The following IGF2BP3 variants were observed in gnomAD, a reference collection of about 807,000 sequenced individuals.
IGF2BP3 encodes the protein insulin-like growth factor 2 mRNA-binding protein 3.
IGF2BP3 carries 9 observed loss-of-function variants against 73.8 expected under a neutral mutation model. That is an observed-to-expected ratio of 0.12 (90% CI 0.07 to 0.21). The LOEUF (loss-of-function observed/expected upper bound fraction) is 0.21. Ranked by LOEUF, IGF2BP3 falls within the 10% of genes least tolerant of loss-of-function variation. IGF2BP3 has a pLI of 1.00. For synonymous variants in IGF2BP3, 258 were observed against 256.7 expected (o/e 1.01, Z -0.05); for missense variants, 542 against 714.0 (o/e 0.76, Z 2.75).
At chr7:23,346,770 T>G (rs1784839018) in intron 7 of IGF2BP3, among the ~76,000 whole-genome samples, 1 of 152,032 alleles carries the variant, frequency 6.6e-6, no homozygotes, top group Non-Finnish European at 1.5e-5. Flanking sequence ...TTCTTGTATT[T>G]TCAGTAGAGA....
chr7:23,334,132 T>C (rs1000819706), intron 10 of IGF2BP3, among the ~76,000 whole-genome samples: 1 of 152,088 alleles, frequency 6.6e-6, no homozygotes, highest in Non-Finnish European at 1.5e-5. Flanking sequence ...GGTCAGGAGT[T>C]CGAGACCAGC....
intron 2 of IGF2BP3, among the ~76,000 whole-genome samples, chr7:23,455,951 C>T (rs1426298142): frequency 6.6e-6 from 1 of 152,156 alleles, no homozygotes; most frequent in Non-Finnish European, 1.5e-5. Context: ...TCCGAAAGTG[C>T]TGGGATTACA....
intron 3 of IGF2BP3, chr7:23,362,557 T>C (rs1379713884): frequency 6.6e-6 from 1 of 152,260 alleles, no homozygotes; most frequent in Non-Finnish European, 1.5e-5. Flanking sequence ...TATTATACTA[T>C]GCATGTTATC....
chr7:23,326,509 C>T (rs945628109), intron 10 of IGF2BP3, among the ~76,000 whole-genome samples: 1 of 151,524 alleles, frequency 6.6e-6, no homozygotes, highest in African/African-American at 2.4e-5. Context: ...GTCAGTGTGG[C>T]AATTCCTCAG....
chr7:23,382,271 T>C (rs1037692284), intron 3 of IGF2BP3, among the ~76,000 whole-genome samples: 4 of 152,090 alleles, frequency 2.6e-5, no homozygotes. Flanking sequence ...AACTTCACTA[T>C]GTAATGGGCA....
chr7:23,415,214 G>C (rs945761617), intron 3 of IGF2BP3: 1 of 218,528 alleles, frequency 4.6e-6, no homozygotes, highest in African/African-American at 2.6e-5. Context: ...GGTCCCGTCC[G>C]TCAGTCGGCA....
In IGF2BP3 at chr7:23,311,111, C is replaced by G. The variant is rs1783815065; in HGVS notation, c.*1251G>C. ...TATACTTTACTACTTAAGGTGGAGTCTAATTTTTTTTTTTTAATTTATCAG... is the reference window on the plus strand; with the variant it reads ...TATACTTTACTACTTAAGGTGGAGTGTAATTTTTTTTTTTTAATTTATCAG... On this transcript the variant is annotated 3_prime_UTR_variant, in exon 15 of 15. Transcript: ENST00000258729. The G allele has an allele frequency of 1.3e-5, 2 of 151,492 alleles. No homozygotes were observed. Among genetic ancestry groups the G allele is most frequent in the Admixed American group, 1.3e-4 (2 of 15,198 alleles). The allele number at this position is 151,492 out of a possible 1,614,324, so 9.4% of individuals were successfully genotyped here. A position where few individuals can be genotyped will look rare whatever the true frequency, so the allele number is the denominator to read the frequency against.
rs1199820192 is a variant in IGF2BP3 at position 23,451,810 on chromosome 7, T to C, written c.236+16672A>G. Reference sequence around the variant, plus strand: ...TGAAAATACAAAAATTAGCCTAGTATGGAGGCAGGCGCCTATAATCTCAGC... The same window carrying C: ...TGAAAATACAAAAATTAGCCTAGTACGGAGGCAGGCGCCTATAATCTCAGC... On this transcript the variant is annotated intron_variant, in intron 2 of 14. Transcript: ENST00000258729. 5.3e-5 allele frequency among the ~76,000 whole-genome samples: 8 copies of C among 149,670 alleles called. No homozygotes were observed. In the East Asian group the frequency reaches 1.6e-3, roughly 31 times the overall value.
chr7:23,468,598 G>A, intron 1 of IGF2BP3, 56 bp from the exon 2 acceptor site: 1 of 1,563,842 alleles, frequency 6.4e-7, no homozygotes, highest in Non-Finnish European at 8.8e-7. Context: ...CTCCCTGCCC[G>A]AAGACCCGCA....
chr7:23,468,630 T>G, intron 1 of IGF2BP3, 88 bp from the exon 2 acceptor site: 2 of 1,387,178 alleles, frequency 1.4e-6, no homozygotes, highest in Non-Finnish European at 2.1e-6. Flanking sequence ...GCGACACAAA[T>G]GGCCTCCTGA....
intron 2 of IGF2BP3, among the ~76,000 whole-genome samples, chr7:23,437,006 C>T (rs1364882113): frequency 1.3e-5 from 2 of 151,808 alleles, no homozygotes; most frequent in Admixed American, 1.3e-4. Context: ...GTAGTCCCAG[C>T]TATTTAGGAA....
At chr7:23,398,466 T>C (rs201678306) in intron 3 of IGF2BP3, among the ~76,000 whole-genome samples, 1 of 152,200 alleles carries the variant, frequency 6.6e-6, no homozygotes, top group Non-Finnish European at 1.5e-5. Context: ...TTTCTAGTTC[T>C]AGATCCCTGA....
At chr7:23,411,984 C>CTTTTTTTTTT (rs767524257) in intron 3 of IGF2BP3, among the ~76,000 whole-genome samples, 42 of 104,802 alleles carry the variant, frequency 4.0e-4, no homozygotes, top group Non-Finnish European at 5.2e-4. Context: ...ACTTATTTCT[C>CTTTTTTTTTT]TTTTTTTTTT....
At chr7:23,350,594 C>G (rs1311651129) in intron 6 of IGF2BP3, among the ~76,000 whole-genome samples, 1 of 152,222 alleles carries the variant, frequency 6.6e-6, no homozygotes. Context: ...CTTAGATACA[C>G]ATGAAAGGCT....
At chr7:23,389,320 C>T (rs1291889646) in intron 3 of IGF2BP3, among the ~76,000 whole-genome samples, 3 of 152,016 alleles carry the variant, frequency 2.0e-5, no homozygotes, top group African/African-American at 7.2e-5. Flanking sequence ...GCCACTACAC[C>T]CGCCTAATTT....
intron 2 of IGF2BP3, among the ~76,000 whole-genome samples, chr7:23,456,200 T>G (rs566063260): frequency 6.1e-5 from 9 of 147,312 alleles, no homozygotes; most frequent in African/African-American, 2.0e-4. Context: ...AGCTTCTCCA[T>G]TTTTTGCAAA....
chr7:23,395,839 C>T (rs1163996671), intron 3 of IGF2BP3, among the ~76,000 whole-genome samples: 3 of 151,774 alleles, frequency 2.0e-5, no homozygotes, highest in East Asian at 1.9e-4. Flanking sequence ...GGCAGGAGAA[C>T]TGCTTGAACC....
chr7:23,417,186 C>T (rs76155085), intron 3 of IGF2BP3, among the ~76,000 whole-genome samples: 1 of 152,148 alleles, frequency 6.6e-6, no homozygotes, highest in East Asian at 1.9e-4. Flanking sequence ...AACGAACTCT[C>T]AATAAAATTG....
chr7:23,452,852 AC>A (rs1181587285), intron 2 of IGF2BP3, among the ~76,000 whole-genome samples: 1 of 143,454 alleles, frequency 7.0e-6, no homozygotes, highest in Non-Finnish European at 1.5e-5. Flanking sequence ...AGTGGCTCAC[AC>A]CTATAATCCC....
Sources: gnomAD v4.1 joint callset for allele counts (sites outside exome capture counted in the v4.1 genomes callset) on GRCh38, gnomAD v4.1.1 for gene constraint, MANE v1.5 for transcripts, NCBI Gene and HGNC (gene_info 2026-07-23, HGNC 2026-07-21) for gene names.